Variants in GALNT7 observed in about 807,000 individuals in gnomAD.
GALNT7 encodes the protein polypeptide N-acetylgalactosaminyltransferase 7, also known as N-acetylgalactosaminyltransferase 7.
Under a neutral mutation model 82.1 loss-of-function variants are expected in GALNT7, and 60 were observed. The observed-to-expected ratio is 0.73, with a 90% CI of 0.59 to 0.91. The LOEUF (loss-of-function observed/expected upper bound fraction) is 0.91. Among genes scored for constraint, GALNT7 ranks in the 40% least tolerant of loss-of-function variants. The pLI, the probability that GALNT7 is intolerant of heterozygous loss-of-function variation, is 0.00. For synonymous variants in GALNT7, 243 were observed against 275.1 expected, an observed-to-expected ratio of 0.88 and a Z score of 1.15; for missense variants, 660 against 804.2, an observed-to-expected ratio of 0.82 and a Z score of 2.17.
At chr4:173,304,499 G>T (rs559777527) in intron 8 of GALNT7, among the ~76,000 whole-genome samples, 1 of 151,936 alleles carries the variant, frequency 6.6e-6, no homozygotes, top group South Asian at 2.1e-4. Context: ...ACATTGTGGG[G>T]ATGGCTAAAT....
At chr4:173,170,127 C>G (rs1410788469) in intron 1 of GALNT7, among the ~76,000 whole-genome samples, 1 of 152,192 alleles carries the variant, frequency 6.6e-6, no homozygotes, top group Non-Finnish European at 1.5e-5. Flanking sequence ...CGACCCTGAC[C>G]TGCTTCCCCC....
At chr4:173,175,529 T>C (rs1295717214) in intron 1 of GALNT7, among the ~76,000 whole-genome samples, 1 of 152,224 alleles carries the variant, frequency 6.6e-6, no homozygotes, top group Non-Finnish European at 1.5e-5. Context: ...ATGGGCTACA[T>C]TAAAAGGTGG....
rs377612326 is a variant in GALNT7, at chr4:173,304,516, A to C, written c.1389+398A>C. Among the ~76,000 whole-genome samples the C allele has an allele frequency of 2.7e-4, 41 of 152,112 alleles. 1 individual carries two copies. The East Asian group carries it at 5.2e-3, about 19-fold the overall frequency. On this transcript the variant is annotated intron_variant, in intron 8 of 11. Coordinates refer to ENST00000265000, the MANE Select transcript of GALNT7 (RefSeq NM_017423.3). Reference sequence around the variant, plus strand: ...ATTGTGGGGATGGCTAAATCTGGCTATTTGGACATGTATTACGTCACCTAC... The same window carrying C: ...ATTGTGGGGATGGCTAAATCTGGCTCTTTGGACATGTATTACGTCACCTAC...
chr4:173,202,926 T>C (rs1045222798), intron 1 of GALNT7, among the ~76,000 whole-genome samples: 2 of 152,188 alleles, frequency 1.3e-5, no homozygotes, highest in African/African-American at 4.8e-5. Flanking sequence ...ACCTTCTTTA[T>C]CTCATTTTAC....
intron 2 of GALNT7, among the ~76,000 whole-genome samples, chr4:173,255,613 T>G (rs940935034): frequency 6.6e-6 from 1 of 152,098 alleles, no homozygotes; most frequent in Non-Finnish European, 1.5e-5. Flanking sequence ...TTGACTCTTT[T>G]TTTCTCTCCG....
At chr4:173,279,897 C>T (rs1420475763) in intron 2 of GALNT7, among the ~76,000 whole-genome samples, 6 of 152,024 alleles carry the variant, frequency 3.9e-5, no homozygotes, top group African/African-American at 1.4e-4. Context: ...ATCACTTGAA[C>T]CCGGGTGGCA....
At chr4:173,230,807 A>G (rs1007103618) in intron 1 of GALNT7, among the ~76,000 whole-genome samples, 1 of 152,164 alleles carries the variant, frequency 6.6e-6, no homozygotes, top group African/African-American at 2.4e-5. Flanking sequence ...TATATATAAT[A>G]TAGTTAGCAT....
rs62341139 is a variant in GALNT7, at chr4:173,197,239, C to T, written c.126+28278C>T. Among the ~76,000 whole-genome samples, 608 of 152,136 alleles carry T rather than the reference C, an allele frequency of 4.0e-3. 2 individuals are homozygous for T. Among genetic ancestry groups the T allele is most frequent in the Non-Finnish European group, 7.5e-3 (507 of 67,998 alleles). On this transcript the variant is annotated intron_variant, in intron 1 of 11. Transcript: ENST00000265000. ...CTTTTTCTTAAGCAAAATAGTGACG[C>T]TCTGCAGGATTTCTATAACTGAAGT... is the stretch of plus-strand genomic sequence containing the variant.
At chr4:173,289,756 G>A (rs1473205744) in intron 2 of GALNT7, among the ~76,000 whole-genome samples, 1 of 152,160 alleles carries the variant, frequency 6.6e-6, no homozygotes, top group Non-Finnish European at 1.5e-5. Context: ...AGAACAAAGG[G>A]CTTCTGTACT....
At chr4:173,236,472 G>A (rs575798511) in intron 1 of GALNT7, among the ~76,000 whole-genome samples, 3 of 152,066 alleles carry the variant, frequency 2.0e-5, no homozygotes, top group South Asian at 4.2e-4. Flanking sequence ...TGCTCTATCC[G>A]AGTACTCATT....
At chr4:173,229,120 T>G (rs1350663974) in intron 1 of GALNT7, among the ~76,000 whole-genome samples, 3 of 152,232 alleles carry the variant, frequency 2.0e-5, no homozygotes, top group Non-Finnish European at 4.4e-5. Context: ...TTAATGGTCC[T>G]ATGTGCCAAA....
rs953087834 is a variant in GALNT7, at chr4:173,261,688, A to G, written c.587+13248A>G. Among the ~76,000 whole-genome samples, 3 of 152,194 alleles carry G rather than the reference A, an allele frequency of 2.0e-5. No homozygotes were observed. In the East Asian group the frequency reaches 5.8e-4, roughly 29 times the overall value. On this transcript the variant is annotated intron_variant, in intron 2 of 11. Transcript: ENST00000265000. ...AAAAAAATTAGCCAGGTGTGGTGGCACGCACCTGTAATCCCAGCTTCTCAG... is the reference window on the plus strand; with the variant it reads ...AAAAAAATTAGCCAGGTGTGGTGGCGCGCACCTGTAATCCCAGCTTCTCAG...
chr4:173,180,874 A>C (rs1732227642), intron 1 of GALNT7, among the ~76,000 whole-genome samples: 1 of 152,202 alleles, frequency 6.6e-6, no homozygotes, highest in South Asian at 2.1e-4. Context: ...CTAATCCAAC[A>C]GATTTAATCT....
At chr4:173,223,383 T>A (rs1248733182) in intron 1 of GALNT7, among the ~76,000 whole-genome samples, 1 of 152,174 alleles carries the variant, frequency 6.6e-6, no homozygotes, top group African/African-American at 2.4e-5. Context: ...TAGCAAGATA[T>A]AACCTGAGTT....
At chr4:173,216,525 G>A (rs1181600994) in intron 1 of GALNT7, among the ~76,000 whole-genome samples, 1 of 151,434 alleles carries the variant, frequency 6.6e-6, no homozygotes, top group Non-Finnish European at 1.5e-5. Context: ...TTGTCAGGAG[G>A]ATTTTGTGAG....
intron 1 of GALNT7, among the ~76,000 whole-genome samples, chr4:173,239,929 T>C (rs575180545): frequency 1.3e-5 from 2 of 152,214 alleles, no homozygotes; most frequent in Non-Finnish European, 2.9e-5. Context: ...AAAATTGTAC[T>C]ATATACTTCT....
intron 1 of GALNT7, among the ~76,000 whole-genome samples, chr4:173,227,985 T>G (rs1479843527): frequency 1.3e-5 from 2 of 152,106 alleles, no homozygotes; most frequent in Non-Finnish European, 2.9e-5. Context: ...GCTGTGCTAG[T>G]CATGTGTTTT....
chr4:173,247,814 C>G (rs1053171751), intron 1 of GALNT7, among the ~76,000 whole-genome samples, 166 bp from the exon 2 acceptor site: 8 of 152,168 alleles, frequency 5.3e-5, no homozygotes, highest in Admixed American at 3.3e-4. Flanking sequence ...CTTCTCTACC[C>G]TGAAAGATAT....
chr4:173,220,494 C>CT (rs201265294), intron 1 of GALNT7, among the ~76,000 whole-genome samples: 12 of 152,152 alleles, frequency 7.9e-5, no homozygotes, highest in African/African-American at 2.2e-4. Flanking sequence ...GGTTTTATTT[C>CT]TTTTTTTAAA....
Sources: allele counts gnomAD v4.1 joint callset (sites outside exome capture counted in the v4.1 genomes callset), GRCh38; gene constraint gnomAD v4.1.1; transcripts MANE v1.5; gene names NCBI Gene and HGNC (gene_info 2026-07-23, HGNC 2026-07-21).